RTN3: variants seen among roughly 807,000 people sequenced by gnomAD.
RTN3 encodes reticulon 3.
RTN3 carries 49 observed loss-of-function variants against 77.8 expected under a neutral mutation model. The observed-to-expected ratio is 0.63, with a 90% CI of 0.50 to 0.80. The LOEUF (loss-of-function observed/expected upper bound fraction) is 0.80. Among genes scored for constraint, RTN3 ranks in the 30% least tolerant of loss-of-function variants. The pLI is 0.00. For synonymous variants in RTN3, 464 were observed against 446.9 expected (o/e 1.04, Z -0.48); for missense variants, 1,236 against 1,211.9 (o/e 1.02, Z -0.29).
chr11:63,697,245 C>T (rs1230853199), intron 1 of RTN3, among the ~76,000 whole-genome samples: 2 of 151,678 alleles, frequency 1.3e-5, no homozygotes, highest in Non-Finnish European at 2.9e-5. Flanking sequence ...CTTATAGCCA[C>T]ATATTTGCAC....
chr11:63,683,915 C>T (rs1440554982), intron 1 of RTN3, among the ~76,000 whole-genome samples: 2 of 136,058 alleles, frequency 1.5e-5, no homozygotes, highest in African/African-American at 5.7e-5. Context: ...GGTTTCCACT[C>T]GTTATTTCTT....
intron 3 of RTN3, among the ~76,000 whole-genome samples, chr11:63,740,693 A>G (rs1258160226): frequency 1.3e-5 from 2 of 151,834 alleles, no homozygotes; most frequent in Admixed American, 1.3e-4. Context: ...CCACTTCCCA[A>G]AGTGCTGGGA....
At chr11:63,750,476 G>A (rs945802684) in intron 4 of RTN3, 5 of 360,334 alleles carry the variant, frequency 1.4e-5, no homozygotes, top group South Asian at 3.1e-5. Context: ...TTTTTGAGAC[G>A]GATATTGCTC....
In RTN3 at chr11:63,720,119, CAA is replaced by C. The variant is rs2134902449; in HGVS notation, c.1619_1620del (p.Lys540ArgfsTer6). ...AVVKTGEREI[K>X]EIPSCEREEK... ...TTGTAAAAACAGGTGAAAGAGAAAT[CAA>C]AGAGATTCCCAGTTGTGAGAGAGAA... On this transcript the variant is annotated frameshift_variant, in exon 3 of 9. Transcript: ENST00000377819. LOFTEE classifies it high-confidence loss of function. 2 of 1,613,148 alleles carry C rather than the reference CAA, an allele frequency of 1.2e-6. No individual in the cohort carries two copies. Among genetic ancestry groups the C allele is most frequent in the East Asian group, 2.2e-5 (1 of 44,870 alleles).
chr11:63,750,924 A>G (rs1342193849), intron 4 of RTN3, among the ~76,000 whole-genome samples: 1 of 150,486 alleles, frequency 6.6e-6, no homozygotes, highest in East Asian at 2.0e-4. Context: ...AGTAGAGACA[A>G]GGTTTCACCA....
At chr11:63,709,172 C>T (rs1034996671) in intron 2 of RTN3, among the ~76,000 whole-genome samples, 1 of 152,130 alleles carries the variant, frequency 6.6e-6, no homozygotes, top group African/African-American at 2.4e-5. Context: ...AGGGTTTAGA[C>T]TTCTTTTTAG....
At chr11:63,728,897 A>G (rs2012474447) in intron 3 of RTN3, among the ~76,000 whole-genome samples, 1 of 147,460 alleles carries the variant, frequency 6.8e-6, no homozygotes, top group South Asian at 2.2e-4. Flanking sequence ...AAAAAAAAAA[A>G]AAAAAGAAAA....
intron 1 of RTN3, among the ~76,000 whole-genome samples, chr11:63,703,321 T>C (rs905601398): frequency 1.3e-5 from 2 of 152,114 alleles, no homozygotes; most frequent in Non-Finnish European, 1.5e-5. Context: ...CCAATCCCCC[T>C]CAGATACCAA....
At chr11:63,686,332 T>C (rs1001834197) in intron 1 of RTN3, among the ~76,000 whole-genome samples, 5 of 151,542 alleles carry the variant, frequency 3.3e-5, no homozygotes, top group African/African-American at 1.2e-4. Flanking sequence ...TAGCCGGGCG[T>C]GGTGGCGGGG....
intron 1 of RTN3, among the ~76,000 whole-genome samples, chr11:63,704,492 G>T (rs1219699266): frequency 1.3e-5 from 2 of 152,084 alleles, no homozygotes; most frequent in East Asian, 3.9e-4. Context: ...ATATTAATTA[G>T]TATTCAGATA....
chr11:63,711,107 C>T (rs566180081), intron 2 of RTN3, among the ~76,000 whole-genome samples: 38 of 152,048 alleles, frequency 2.5e-4, no homozygotes, highest in African/African-American at 8.9e-4. Context: ...TGGCAAAACC[C>T]CATCTCCGCT....
intron 1 of RTN3, among the ~76,000 whole-genome samples, chr11:63,686,979 T>G (rs1312334826): frequency 6.6e-6 from 1 of 152,256 alleles, no homozygotes; most frequent in Non-Finnish European, 1.5e-5. Flanking sequence ...CTTTCCTCAC[T>G]CATGAAACTT....
intron 1 of RTN3, among the ~76,000 whole-genome samples, chr11:63,691,138 T>G (rs1019294684): frequency 7.4e-5 from 11 of 147,880 alleles, no homozygotes; most frequent in Non-Finnish European, 1.6e-4. Context: ...TTTTTTTTTT[T>G]GAGATGGAGT....
chr11:63,700,282 C>CTTTTTTTTTTTTTTTTTTTTTTT lies in RTN3; in HGVS notation c.143-4558_143-4557insTTTTTTTTTTTTTTTTTTTTTTT, dbSNP rs753369954. Among the ~76,000 whole-genome samples, 2 of 133,434 alleles carry CTTTTTTTTTTTTTTTTTTTTTTT rather than the reference C, an allele frequency of 1.5e-5. 1 individual carries two copies. The highest frequency in any genetic ancestry group is 3.1e-5 in the Non-Finnish European group (2 of 65,218). The allele number at this position is 133,434 out of a possible 152,430, so 87.5% of individuals were successfully genotyped here. A position where few individuals can be genotyped will look rare whatever the true frequency, so the allele number is the denominator to read the frequency against. On this transcript the variant is annotated intron_variant, in intron 1 of 8. Transcript: ENST00000377819. ...GAGATAGGAAAACATGATTCTTTTACTTTTTTTTTTTAAGGTAAGGTCTCA... is the reference window on the plus strand; with the variant it reads ...GAGATAGGAAAACATGATTCTTTTACTTTTTTTTTTTTTTTTTTTTTTTTTTTTTTTTTTAAGGTAAGGTCTCA...
chr11:63,686,516 C>T (rs186400862), intron 1 of RTN3, among the ~76,000 whole-genome samples: 2 of 147,448 alleles, frequency 1.4e-5, no homozygotes, highest in African/African-American at 5.0e-5. Flanking sequence ...TTGCTAGAGA[C>T]TGCTTTTTAT....
At chr11:63,696,634 C>T (rs1353974760) in intron 1 of RTN3, among the ~76,000 whole-genome samples, 3 of 149,592 alleles carry the variant, frequency 2.0e-5, no homozygotes, top group Non-Finnish European at 4.4e-5. Flanking sequence ...CAACCTCCAC[C>T]TCCCGGGTTC....
At chr11:63,694,786 A>G (rs1941853310) in intron 1 of RTN3, among the ~76,000 whole-genome samples, 1 of 152,112 alleles carries the variant, frequency 6.6e-6, no homozygotes, top group Non-Finnish European at 1.5e-5. Context: ...TACATAGTCC[A>G]TTTTGTTTCT....
intron 4 of RTN3, chr11:63,750,445 A>T: frequency 2.2e-6 from 1 of 451,658 alleles, no homozygotes; most frequent in South Asian, 3.3e-5. Context: ...TTCAAAGAAG[A>T]CTCTAAATTC....
At chr11:63,746,007 C>T (rs1387202846) in intron 3 of RTN3, among the ~76,000 whole-genome samples, 2 of 152,154 alleles carry the variant, frequency 1.3e-5, no homozygotes, top group Non-Finnish European at 2.9e-5. Flanking sequence ...GACAGGGTTT[C>T]GCCATGTTGG....
Sources: gnomAD v4.1 joint callset for allele counts (sites outside exome capture counted in the v4.1 genomes callset) on GRCh38, gnomAD v4.1.1 for gene constraint, MANE v1.5 for transcripts, NCBI Gene and HGNC (gene_info 2026-07-23, HGNC 2026-07-21) for gene names.